Variants in ARHGAP26 observed in about 807,000 individuals in gnomAD.
ARHGAP26 encodes rho GTPase-activating protein 26.
In ARHGAP26, 38 loss-of-function variants were observed where a neutral mutation model predicts 104.8. The observed-to-expected ratio is 0.36, with a 90% CI of 0.28 to 0.48. ARHGAP26 has a LOEUF of 0.48. Ranked by LOEUF, ARHGAP26 falls within the 20% of genes least tolerant of loss-of-function variation. ARHGAP26 has a pLI of 0.99. For missense variants in ARHGAP26, 704 were observed against 947.9 expected, an observed-to-expected ratio of 0.74 and a Z score of 3.38; for synonymous variants, 341 against 340.0, an observed-to-expected ratio of 1.00 and a Z score of -0.03.
At chr5:143,082,503 T>A (rs1789972619) in intron 17 of ARHGAP26, among the ~76,000 whole-genome samples, 2 of 152,244 alleles carry the variant, frequency 1.3e-5, no homozygotes, top group Admixed American at 1.3e-4. Context: ...ATCTGGTATC[T>A]ACTATCATTG....
At chr5:143,097,819 C>G (rs1279345078) in intron 17 of ARHGAP26, among the ~76,000 whole-genome samples, 1 of 24,308 alleles carries the variant, frequency 4.1e-5, no homozygotes, top group Non-Finnish European at 9.0e-5. Flanking sequence ...GAGACTCCAA[C>G]TCAAAAAAAA....
intron 17 of ARHGAP26, among the ~76,000 whole-genome samples, chr5:143,099,316 G>A (rs903043690): frequency 6.6e-6 from 1 of 152,142 alleles, no homozygotes; most frequent in Non-Finnish European, 1.5e-5. Context: ...GCAGGTGGGG[G>A]GCACAGGTAG....
At chr5:143,051,267 G>A (rs1227722091) in intron 14 of ARHGAP26, among the ~76,000 whole-genome samples, 1 of 152,214 alleles carries the variant, frequency 6.6e-6, no homozygotes, top group Non-Finnish European at 1.5e-5. Flanking sequence ...ATCCAAGTGT[G>A]ACATTTCTAA....
chr5:143,101,535 A>AT (rs1793234608), intron 17 of ARHGAP26, among the ~76,000 whole-genome samples: 1 of 151,376 alleles, frequency 6.6e-6, no homozygotes, highest in African/African-American at 2.4e-5. Flanking sequence ...ACCATTTCTG[A>AT]TTTTTTTCCC....
intron 11 of ARHGAP26, among the ~76,000 whole-genome samples, chr5:142,950,623 A>G (rs1281662408): frequency 6.6e-6 from 1 of 152,106 alleles, no homozygotes; most frequent in Admixed American, 6.5e-5. Flanking sequence ...GCGACACCCA[A>G]TTTGAGTTAT....
intron 17 of ARHGAP26, among the ~76,000 whole-genome samples, chr5:143,063,496 C>T (rs965824086): frequency 3.3e-5 from 5 of 152,220 alleles, no homozygotes; most frequent in Admixed American, 1.3e-4. Flanking sequence ...GAAATGGCCT[C>T]CAAAGCCCTG....
At chr5:143,143,031 C>T (rs1355439406) in intron 19 of ARHGAP26, among the ~76,000 whole-genome samples, 1 of 152,196 alleles carries the variant, frequency 6.6e-6, no homozygotes, top group Non-Finnish European at 1.5e-5. Context: ...CTGTTCCCTC[C>T]TTTTGGCTCT....
At chr5:142,936,302 G>C (rs1392295050) in intron 11 of ARHGAP26, among the ~76,000 whole-genome samples, 1 of 152,128 alleles carries the variant, frequency 6.6e-6, no homozygotes, top group African/African-American at 2.4e-5. Flanking sequence ...CAAAAATGAA[G>C]TGACTAGGTA....
At chr5:143,079,647 A>G (rs1221417282) in intron 17 of ARHGAP26, among the ~76,000 whole-genome samples, 1 of 152,242 alleles carries the variant, frequency 6.6e-6, no homozygotes, top group Admixed American at 6.5e-5. Flanking sequence ...TACCTTGTTC[A>G]GGTCTTGGAG....
chr5:142,998,661 G>A (rs1447419606), intron 11 of ARHGAP26, among the ~76,000 whole-genome samples: 1 of 151,956 alleles, frequency 6.6e-6, no homozygotes, highest in African/African-American at 2.4e-5. Flanking sequence ...AGTGAGCATT[G>A]TTCAGTGAGC....
At chr5:143,060,735 G>T (rs2150316543) in intron 17 of ARHGAP26, among the ~76,000 whole-genome samples, 1 of 151,994 alleles carries the variant, frequency 6.6e-6, no homozygotes, top group African/African-American at 2.4e-5. Flanking sequence ...GGGCTCTGTG[G>T]GTCTACTCAG....
chr5:143,037,840 CATCT>C (rs1455052756), intron 13 of ARHGAP26, among the ~76,000 whole-genome samples: 1 of 152,176 alleles, frequency 6.6e-6, no homozygotes, highest in African/African-American at 2.4e-5. Flanking sequence ...CTCTGGCAGA[CATCT>C]TGGGGTCTGT....
chr5:143,037,108 C>A, intron 12 of ARHGAP26, 88 bp from the exon 13 acceptor site: 1 of 914,432 alleles, frequency 1.1e-6, no homozygotes, highest in Non-Finnish European at 1.7e-6. Flanking sequence ...CCACAGCATG[C>A]GATTGATTCA....
At chr5:143,101,284 T>G (rs1793194657) in intron 17 of ARHGAP26, among the ~76,000 whole-genome samples, 1 of 152,182 alleles carries the variant, frequency 6.6e-6, no homozygotes, top group Admixed American at 6.5e-5. Context: ...AAAATTACTC[T>G]GGTTCGAGTG....
intron 20 of ARHGAP26, among the ~76,000 whole-genome samples, chr5:143,160,506 G>A (rs1801098216): frequency 6.9e-6 from 1 of 145,458 alleles, no homozygotes; most frequent in Non-Finnish European, 1.5e-5. Flanking sequence ...TTTCTTTTTA[G>A]ACAGGGTCTC....
At chr5:143,214,109 CAAAG>C in intron 22 of ARHGAP26, 21 bp downstream of exon 22, 2 of 1,030,962 alleles carry the variant, frequency 1.9e-6, no homozygotes, top group Non-Finnish European at 2.8e-6. Context: ...CATCCCCTCA[CAAAG>C]ATATGGGCGG....
At chr5:142,993,162 T>G (rs1005792010) in intron 11 of ARHGAP26, among the ~76,000 whole-genome samples, 11 of 140,928 alleles carry the variant, frequency 7.8e-5, no homozygotes, top group Non-Finnish European at 7.7e-5. Context: ...TGTGTGGTTT[T>G]TTTTTTTTTT....
At chr5:143,206,282 T>A (rs563664821) in intron 20 of ARHGAP26, among the ~76,000 whole-genome samples, 1 of 152,356 alleles carries the variant, frequency 6.6e-6, no homozygotes, top group African/African-American at 2.4e-5. Context: ...TTTCTCTCTG[T>A]CATTGGTGTT....
chr5:143,100,035 C>T (rs1409659486), intron 17 of ARHGAP26, among the ~76,000 whole-genome samples: 1 of 152,112 alleles, frequency 6.6e-6, no homozygotes, highest in Non-Finnish European at 1.5e-5. Flanking sequence ...TGCCAGAATG[C>T]AGTCCAGGGA....
Sources: allele counts gnomAD v4.1 joint callset (sites outside exome capture counted in the v4.1 genomes callset), GRCh38; gene constraint gnomAD v4.1.1; transcripts MANE v1.5; gene names NCBI Gene and HGNC (gene_info 2026-07-23, HGNC 2026-07-21).